Variants in INTS6 observed in about 807,000 individuals in gnomAD.
INTS6 encodes the protein integrator complex subunit 6.
INTS6 carries 16 observed loss-of-function variants against 104.9 expected under a neutral mutation model. The ratio of observed to expected loss-of-function variants is 0.15; its 90% CI spans 0.10 to 0.23. The LOEUF is 0.23. Among genes scored for constraint, INTS6 ranks in the 10% least tolerant of loss-of-function variants. INTS6 has a pLI of 1.00. For missense variants in INTS6, 584 were observed against 1,062.8 expected (o/e 0.55, Z 6.26); for synonymous variants, 324 against 358.7 (o/e 0.90, Z 1.09).
At chr13:51,428,374 G>C (rs1381488915) in intron 4 of INTS6, among the ~76,000 whole-genome samples, 1 of 149,748 alleles carries the variant, frequency 6.7e-6, no homozygotes, top group African/African-American at 2.5e-5. Context: ...GCCCAGGCTG[G>C]AGTGCAGTGG....
At chr13:51,442,916 C>G (rs1406520032) in intron 3 of INTS6, 1 of 152,158 alleles carries the variant, frequency 6.6e-6, no homozygotes, top group Non-Finnish European at 1.5e-5. Context: ...AGGAAGGAAT[C>G]CAACTAAAGC....
At chr13:51,450,178 G>A (rs1566257400) in intron 3 of INTS6, 1 of 984,946 alleles carries the variant, frequency 1.0e-6, no homozygotes, top group Non-Finnish European at 1.2e-6. Flanking sequence ...TACAACATAA[G>A]AACTGAGCTC....
At chr13:51,394,813 T>C (rs980719397) in intron 5 of INTS6, among the ~76,000 whole-genome samples, 46 of 152,204 alleles carry the variant, frequency 3.0e-4, no homozygotes, top group Non-Finnish European at 1.3e-4. Context: ...GATGTTCACT[T>C]GGCATAGTAC....
At position 51,376,190 on chromosome 13, in the gene INTS6, C is replaced by T. The variant is rs367926454; in HGVS notation, c.1603-16G>A. On this transcript the variant is annotated splice_polypyrimidine_tract_variant and intron_variant, in intron 12 of 17. Coordinates refer to ENST00000311234, the MANE Select transcript of INTS6 (RefSeq NM_012141.3). ...GCTTCAAATCCTATTAAACAACATT[C>T]GAGGACAAAATTTATTGTCAAACAT... 21 of 1,577,316 alleles carry T rather than the reference C, an allele frequency of 1.3e-5. No individual in the cohort carries two copies. The Admixed American group carries it at 1.4e-4, about 11-fold the overall frequency.
intron 4 of INTS6, among the ~76,000 whole-genome samples, chr13:51,429,596 T>G (rs1487122928): frequency 6.6e-6 from 1 of 151,350 alleles, no homozygotes; most frequent in Non-Finnish European, 1.5e-5. Context: ...AGACACCATC[T>G]CTACTAAAAT....
At chr13:51,375,766 T>TGTGTGTGTGC (rs1003965942) in intron 13 of INTS6, among the ~76,000 whole-genome samples, 55 of 147,308 alleles carry the variant, frequency 3.7e-4, no homozygotes, top group African/African-American at 1.4e-3. Flanking sequence ...TGTGTGTGTG[T>TGTGTGTGTGC]GCGCGCGCGT....
chr13:51,366,262 G>C (rs1441910177), intron 17 of INTS6, among the ~76,000 whole-genome samples: 1 of 151,896 alleles, frequency 6.6e-6, no homozygotes, highest in African/African-American at 2.4e-5. Flanking sequence ...TGTGAACAAA[G>C]TATGAATATA....
intron 3 of INTS6, chr13:51,450,634 A>C: frequency 2.0e-6 from 2 of 987,316 alleles, no homozygotes; most frequent in Non-Finnish European, 2.4e-6. Flanking sequence ...AATTTCCTCT[A>C]ACATCTTTAC....
intron 15 of INTS6, among the ~76,000 whole-genome samples, chr13:51,371,164 T>G (rs979662704): frequency 6.6e-6 from 1 of 152,206 alleles, no homozygotes; most frequent in African/African-American, 2.4e-5. Context: ...ACCTCCCAGG[T>G]GATTCACATG....
intron 3 of INTS6, among the ~76,000 whole-genome samples, chr13:51,430,794 C>G (rs1957076418): frequency 6.6e-6 from 1 of 152,054 alleles, no homozygotes; most frequent in African/African-American, 2.4e-5. Flanking sequence ...GAAGGCAAGA[C>G]AGTAGGTGAA....
At chr13:51,366,837 ATAAGTG>A in intron 17 of INTS6, among the ~76,000 whole-genome samples, 1 of 152,120 alleles carries the variant, frequency 6.6e-6, no homozygotes, top group East Asian at 1.9e-4. Context: ...GGGACAAAGT[ATAAGTG>A]TGTTTACATT....
chr13:51,424,204 A>G (rs2138078171), intron 4 of INTS6, among the ~76,000 whole-genome samples: 1 of 152,158 alleles, frequency 6.6e-6, no homozygotes, highest in South Asian at 2.1e-4. Context: ...AAATTGCTTC[A>G]CCCTCTGAAT....
rs529237411 is a variant in INTS6 at position 51,375,655 on chromosome 13, C to T, written c.1729+393G>A. Among the ~76,000 whole-genome samples, 4 of 151,796 alleles carry T rather than the reference C, an allele frequency of 2.6e-5. No individual in the cohort carries two copies. In the East Asian group the frequency reaches 7.8e-4, roughly 29 times the overall value. The stretch of plus-strand genomic sequence containing the variant: ...TGAAACTGGCCATCCAGAGTTAAAC[C>T]ATCAGATACTGGTATTATCTCAAGA... On this transcript the variant is annotated intron_variant, in intron 13 of 17. Transcript: ENST00000311234.
At chr13:51,353,337 C>A (rs1260327944), downstream of INTS6, among the ~76,000 whole-genome samples, 2 of 152,178 alleles carry the variant, frequency 1.3e-5, no homozygotes, top group African/African-American at 2.4e-5. Context: ...ACAATAAGTG[C>A]ATGGGCTGTG....
chr13:51,396,222 A>T (rs1956335276), intron 4 of INTS6, among the ~76,000 whole-genome samples: 2 of 152,198 alleles, frequency 1.3e-5, no homozygotes, highest in Admixed American at 6.5e-5. Context: ...TTAATATTTT[A>T]AAATATGCTT....
intron 3 of INTS6, chr13:51,444,273 T>TG (rs1952858264): frequency 6.9e-6 from 1 of 144,626 alleles, no homozygotes; most frequent in Non-Finnish European, 1.5e-5. Context: ...TTTTTTTTTT[T>TG]TTTTTTTTTT....
intron 13 of INTS6, among the ~76,000 whole-genome samples, 190 bp from the exon 14 acceptor site, chr13:51,374,986 A>G (rs1327597547): frequency 6.6e-6 from 1 of 152,176 alleles, no homozygotes; most frequent in Non-Finnish European, 1.5e-5. Flanking sequence ...TACTGATCTC[A>G]TCATCTAAAC....
chr13:51,411,748 TA>T (rs1042203289), intron 4 of INTS6, among the ~76,000 whole-genome samples: 2 of 152,210 alleles, frequency 1.3e-5, no homozygotes, highest in Admixed American at 6.5e-5. Flanking sequence ...AACACTTTGG[TA>T]AACAATTTTG....
chr13:51,378,487 A>G (rs1339667960), intron 11 of INTS6, 33 bp from the exon 12 acceptor site: 2 of 1,406,476 alleles, frequency 1.4e-6, no homozygotes, highest in African/African-American at 1.4e-5. Context: ...TTATCTTGAT[A>G]AAATCTAAAT....
Sources: allele counts gnomAD v4.1 joint callset (sites outside exome capture counted in the v4.1 genomes callset), GRCh38; gene constraint gnomAD v4.1.1; transcripts MANE v1.5; gene names NCBI Gene and HGNC (gene_info 2026-07-23, HGNC 2026-07-21).